AOPEP: variants seen among roughly 807,000 people sequenced by gnomAD.
AOPEP encodes the protein aminopeptidase O.
In AOPEP, 77 loss-of-function variants were observed where a neutral mutation model predicts 98.1. The ratio of observed to expected loss-of-function variants is 0.78; its 90% CI spans 0.65 to 0.95. The LOEUF (loss-of-function observed/expected upper bound fraction) is 0.95, where lower values mean the gene tolerates loss of function less well. Ranked by LOEUF, AOPEP falls within the 40% of genes least tolerant of loss-of-function variation. AOPEP has a pLI of 0.00. For synonymous variants in AOPEP, 346 were observed against 365.3 expected (o/e 0.95, Z 0.60); for missense variants, 1,024 against 1,024.7 (o/e 1.00, Z 0.01).
At chr9:94,856,182 G>C (rs185157408) in intron 5 of AOPEP, among the ~76,000 whole-genome samples, 1 of 152,170 alleles carries the variant, frequency 6.6e-6, no homozygotes, top group Non-Finnish European at 1.5e-5. Flanking sequence ...GCATGCACAC[G>C]TCCACACCTG....
intron 5 of AOPEP, among the ~76,000 whole-genome samples, chr9:94,914,969 T>G (rs972782191): frequency 6.6e-6 from 1 of 152,204 alleles, no homozygotes; most frequent in Non-Finnish European, 1.5e-5. Context: ...AATTCAAATT[T>G]GAGTACGTGT....
At chr9:95,145,100 C>T in the AOPEP span, among the ~76,000 whole-genome samples, 1 of 152,040 alleles carries the variant, frequency 6.6e-6, no homozygotes, top group Non-Finnish European at 1.5e-5. Flanking sequence ...GGATTATAAC[C>T]TTTCATATAA....
intron 14 of AOPEP, chr9:95,065,460 ACCC>A (rs2067789295): frequency 6.6e-6 from 1 of 152,220 alleles, no homozygotes; most frequent in Admixed American, 6.5e-5. Context: ...CAGGGGGCCC[ACCC>A]AGGCCCCCTT....
chr9:94,883,113 A>G (rs1033933300), intron 5 of AOPEP, among the ~76,000 whole-genome samples: 2 of 152,158 alleles, frequency 1.3e-5, no homozygotes, highest in African/African-American at 4.8e-5. Flanking sequence ...GAGAAAACTC[A>G]CCCACAAACC....
At chr9:94,834,561 G>C (rs1319440317) in intron 5 of AOPEP, among the ~76,000 whole-genome samples, 1 of 152,196 alleles carries the variant, frequency 6.6e-6, no homozygotes, top group Admixed American at 6.5e-5. Context: ...GGGAGTCTGA[G>C]GCAGGTGAAT....
chr9:94,942,301 T>C (rs963715487), intron 7 of AOPEP, among the ~76,000 whole-genome samples: 11 of 152,228 alleles, frequency 7.2e-5, no homozygotes, highest in African/African-American at 2.7e-4. Context: ...CCAAATTCAC[T>C]TTGTTCCACA....
chr9:94,934,926 G>C (rs1277604419), intron 7 of AOPEP: 1 of 152,272 alleles, frequency 6.6e-6, no homozygotes, highest in Non-Finnish European at 1.5e-5. Context: ...TCTTAGGTGG[G>C]AGTCTCCAGG....
intron 13 of AOPEP, among the ~76,000 whole-genome samples, chr9:95,050,798 AT>A (rs1353109638): frequency 6.6e-6 from 1 of 152,262 alleles, no homozygotes; most frequent in Non-Finnish European, 1.5e-5. Context: ...GACCAAAAAA[AT>A]ATTTATGTTG....
Position 94,784,893 on chromosome 9 carries a change from C to G in AOPEP, c.965-7872C>G, listed in dbSNP as rs538467413. 2.1e-5 allele frequency among the ~76,000 whole-genome samples: 3 copies of G among 146,132 alleles called. No individual in the cohort carries two copies. The East Asian group carries it at 6.3e-4, about 31-fold the overall frequency. On this transcript the variant is annotated intron_variant, in intron 3 of 16. Coordinates refer to ENST00000375315, the MANE Select transcript of AOPEP (RefSeq NM_001193329.3). The stretch of plus-strand genomic sequence containing the variant: ...TGGCCTCCCAAAGTGCTGGGATTAC[C>G]GGCGTGAGTCACTGTGCCTGGCCCA...
chr9:94,838,260 C>T (rs11534283), intron 5 of AOPEP, among the ~76,000 whole-genome samples: 2,154 of 152,260 alleles, frequency 0.014, 46 homozygotes, highest in East Asian at 0.088. Context: ...CTGCCTGCCT[C>T]GGCCTCCCAA....
Position 94,893,075 on chromosome 9 carries a change from C to T in AOPEP, c.1365-30911C>T, listed in dbSNP as rs551656288. ...GACAGAATGATTGCATTTTTTAAGC[C>T]TTGAGAAGACCCTTATAGAAAACTG... On this transcript the variant is annotated intron_variant, in intron 5 of 16. Coordinates refer to ENST00000375315, the MANE Select transcript of AOPEP (RefSeq NM_001193329.3). 3.9e-5 allele frequency among the ~76,000 whole-genome samples: 6 copies of T among 152,240 alleles called. No individual in the cohort carries two copies. In the South Asian group the frequency reaches 1.2e-3, roughly 32 times the overall value.
In AOPEP at chr9:94,841,259, C is replaced by T. The variant is rs533506967; in HGVS notation, c.1364+40257C>T. ...CGATCTCAGCTTACTGCAGGCTCCC[C>T]CTCCTGCGTTCAAGTAACTCTCCTG... On this transcript the variant is annotated intron_variant, in intron 5 of 16. Transcript: ENST00000375315. 1.4e-3 allele frequency among the ~76,000 whole-genome samples: 208 copies of T among 152,080 alleles called. 2 individuals are homozygous for T. Among genetic ancestry groups the T allele is most frequent in the African/African-American group, 4.7e-3 (193 of 41,468 alleles).
At chr9:94,955,639 C>G (rs2058396378) in intron 8 of AOPEP, among the ~76,000 whole-genome samples, 1 of 152,102 alleles carries the variant, frequency 6.6e-6, no homozygotes, top group Non-Finnish European at 1.5e-5. Context: ...AACTGGGTCT[C>G]TCTTCTCTTT....
chr9:94,850,014 G>T (rs1425581089), intron 5 of AOPEP, among the ~76,000 whole-genome samples: 1 of 141,426 alleles, frequency 7.1e-6, no homozygotes, highest in Non-Finnish European at 1.5e-5. Context: ...CAGCCTGCGC[G>T]ACAGAGTGAG....
intron 13 of AOPEP, among the ~76,000 whole-genome samples, chr9:95,014,590 G>A (rs927333407): frequency 6.6e-5 from 10 of 152,130 alleles, no homozygotes; most frequent in African/African-American, 1.4e-4. Context: ...TCTATGTCCC[G>A]ACAGTAAATA....
chr9:94,892,431 G>A (rs1392695938), intron 5 of AOPEP, among the ~76,000 whole-genome samples: 1 of 152,150 alleles, frequency 6.6e-6, no homozygotes. Context: ...ATGCTATCAA[G>A]TTCACTCAAA....
At position 95,042,832 on chromosome 9, in the gene AOPEP, A is replaced by C. The variant is rs191960451; in HGVS notation, c.2116-17862A>C. ...AATCTAATAGTTGATTAGCAGCCTT[A>C]ATCCATCTGTAATTTTAATTCCCTT... is the stretch of plus-strand genomic sequence containing the variant. On this transcript the variant is annotated intron_variant, in intron 13 of 16. Coordinates refer to ENST00000375315, the MANE Select transcript of AOPEP (RefSeq NM_001193329.3). Among the ~76,000 whole-genome samples, 382 of 152,244 alleles carry C rather than the reference A, an allele frequency of 2.5e-3. 1 individual carries two copies. The highest frequency in any genetic ancestry group is 8.7e-3 in the African/African-American group (361 of 41,532).
chr9:94,899,789 A>G (rs377527706), intron 5 of AOPEP, among the ~76,000 whole-genome samples: 3 of 152,046 alleles, frequency 2.0e-5, no homozygotes, highest in African/African-American at 7.2e-5. Flanking sequence ...AATTCTCAGA[A>G]CAAAGAAATT....
intron 15 of AOPEP, 139 bp from the exon 16 acceptor site, chr9:95,082,436 C>T (rs757589372): frequency 1.1e-5 from 10 of 886,534 alleles, no homozygotes; most frequent in East Asian, 2.8e-5. Flanking sequence ...AGTCAGCCCA[C>T]GGCCTCTGTC....
Sources: allele counts gnomAD v4.1 joint callset (sites outside exome capture counted in the v4.1 genomes callset), GRCh38; gene constraint gnomAD v4.1.1; transcripts MANE v1.5; gene names NCBI Gene and HGNC (gene_info 2026-07-23, HGNC 2026-07-21).